Variants in UBE2H observed in about 807,000 individuals in gnomAD.
The protein encoded by UBE2H is ubiquitin conjugating enzyme E2 H, also known as ubiquitin-conjugating enzyme E2 H.
A neutral mutation model predicts 29.0 loss-of-function variants in UBE2H; 3 were observed. The observed-to-expected ratio is 0.10, with a 90% CI of 0.05 to 0.27. The LOEUF is 0.27. UBE2H is among the 10% of genes least tolerant of loss of function. UBE2H has a pLI of 1.00. For missense variants in UBE2H, 68 were observed against 228.2 expected, an observed-to-expected ratio of 0.30 and a Z score of 4.52; for synonymous variants, 69 against 82.9, an observed-to-expected ratio of 0.83 and a Z score of 0.91.
intron 3 of UBE2H, among the ~76,000 whole-genome samples, chr7:129,859,976 C>T (rs550229188): frequency 7.7e-4 from 117 of 152,284 alleles, no homozygotes; most frequent in African/African-American, 2.6e-3. Context: ...AGACAGTTCA[C>T]TATTCTTGAG....
chr7:129,863,808 G>GCTTTTTTTTTCTGTTTT (rs1690074435), intron 3 of UBE2H, among the ~76,000 whole-genome samples: 2 of 136,042 alleles, frequency 1.5e-5, no homozygotes, highest in East Asian at 4.1e-4. Context: ...AATACTAGGT[G>GCTTTTTTTTTCTGTTTT]TTTTTTTTTT....
chr7:129,930,906 T>C (rs1584793576), intron 1 of UBE2H, among the ~76,000 whole-genome samples: 6 of 32,720 alleles, frequency 1.8e-4, no homozygotes, highest in Admixed American at 5.3e-4. Flanking sequence ...AGACCCCGTC[T>C]CACAAAAAAA....
At position 129,857,361 on chromosome 7, in the gene UBE2H, T is replaced by G. The variant is rs1363703415; in HGVS notation, c.298+150A>C. 5 of 715,354 alleles carry G rather than the reference T, an allele frequency of 7.0e-6. No individual in the cohort carries two copies. In the East Asian group the frequency reaches 1.4e-4, roughly 20 times the overall value. 44.3% of individuals were successfully genotyped at this position (715,354 alleles called of 1,614,324 possible). A position where few individuals can be genotyped will look rare whatever the true frequency, so the allele number is the denominator to read the frequency against. ...TATATTTGTACTTAAGAGAAAACAT[T>G]TTTTCCACTGATCAAACTTTCCCAG... On this transcript the variant is annotated intron_variant, in intron 5 of 6. Coordinates refer to ENST00000355621, the MANE Select transcript of UBE2H (RefSeq NM_003344.4).
At chr7:129,937,905 A>G (rs1261169042) in intron 1 of UBE2H, among the ~76,000 whole-genome samples, 1 of 152,220 alleles carries the variant, frequency 6.6e-6, no homozygotes, top group Non-Finnish European at 1.5e-5. Flanking sequence ...ATTGTGATGC[A>G]AAGATGAGTG....
In UBE2H at chr7:129,931,369, C is replaced by G. The variant is rs551314176; in HGVS notation, c.53+21134G>C. Among the ~76,000 whole-genome samples, 152 of 151,726 alleles carry G rather than the reference C, an allele frequency of 1.0e-3. 2 individuals carry two copies. Among genetic ancestry groups the G allele is most frequent in the African/African-American group, 3.4e-3 (142 of 41,408 alleles). On this transcript the variant is annotated intron_variant, in intron 1 of 6. Transcript: ENST00000355621. ...CGCCATGGCACTCCAGCCTGGGCAA[C>G]AGAGTAAGACTCTGTCTTGGGGAAA... is the stretch of plus-strand genomic sequence containing the variant.
intron 3 of UBE2H, among the ~76,000 whole-genome samples, chr7:129,874,699 G>C (rs771170078): frequency 6.6e-6 from 1 of 152,050 alleles, no homozygotes; most frequent in Non-Finnish European, 1.5e-5. Flanking sequence ...GCTCTAAAGA[G>C]GGGCATTTTT....
chr7:129,913,341 CA>C (rs1454594618), intron 1 of UBE2H, among the ~76,000 whole-genome samples: 1 of 151,434 alleles, frequency 6.6e-6, no homozygotes, highest in Non-Finnish European at 1.5e-5. Flanking sequence ...CATGTGCCTA[CA>C]AAATAAAGGG....
At chr7:129,840,785 TAAAA>T (rs1401834546) in intron 5 of UBE2H, among the ~76,000 whole-genome samples, 1 of 152,224 alleles carries the variant, frequency 6.6e-6, no homozygotes, top group Non-Finnish European at 1.5e-5. Context: ...CTAAGTAGCA[TAAAA>T]AACTACTCAT....
rs1807908961 is a variant in UBE2H at position 129,952,734 on chromosome 7, G to A, written c.-179C>T. The A allele has an allele frequency of 5.1e-6, 3 of 588,534 alleles. No homozygotes were observed. The highest frequency in any genetic ancestry group is 7.6e-6 in the Non-Finnish European group (3 of 395,452). The allele number at this position is 588,534 out of a possible 1,614,324, so 36.5% of individuals were successfully genotyped here. A position where few individuals can be genotyped will look rare whatever the true frequency, so the allele number is the denominator to read the frequency against. Reference sequence around the variant, plus strand: ...CACGGGGGAACACCGGGCACTGTCCGGCCGGGTGGGGGTGGGGACCCTGCG... The same window carrying A: ...CACGGGGGAACACCGGGCACTGTCCAGCCGGGTGGGGGTGGGGACCCTGCG... On this transcript the variant is annotated 5_prime_UTR_variant, in exon 1 of 7. Transcript: ENST00000355621.
intron 1 of UBE2H, among the ~76,000 whole-genome samples, chr7:129,900,110 A>G (rs1806679488): frequency 6.6e-6 from 1 of 152,000 alleles, no homozygotes; most frequent in Non-Finnish European, 1.5e-5. Context: ...AGCCTGGGCT[A>G]CAGAGTAAGA....
intron 1 of UBE2H, among the ~76,000 whole-genome samples, chr7:129,915,760 C>T (rs1329411043): frequency 2.6e-5 from 4 of 152,138 alleles, no homozygotes; most frequent in African/African-American, 4.8e-5. Flanking sequence ...TGGCCCAGAC[C>T]CTCCTAACTC....
At chr7:129,838,119 T>C (rs1484132121) in intron 6 of UBE2H, among the ~76,000 whole-genome samples, 6 of 152,236 alleles carry the variant, frequency 3.9e-5, no homozygotes, top group Non-Finnish European at 8.8e-5. Flanking sequence ...CAAATACATG[T>C]TTGCTTAGCT....
chr7:129,887,879 G>A (rs566970219), intron 1 of UBE2H, among the ~76,000 whole-genome samples: 5 of 151,818 alleles, frequency 3.3e-5, no homozygotes, highest in Non-Finnish European at 4.4e-5. Context: ...ATGAAACTCC[G>A]TCTCAAAAAA....
At chr7:129,836,412 A>G (rs1189713854) in intron 6 of UBE2H, among the ~76,000 whole-genome samples, 1 of 152,218 alleles carries the variant, frequency 6.6e-6, no homozygotes, top group Non-Finnish European at 1.5e-5. Flanking sequence ...AGAGGAAGAT[A>G]AAAGGAGCTG....
intron 1 of UBE2H, among the ~76,000 whole-genome samples, chr7:129,903,435 GTGTC>G (rs1216335928): frequency 6.6e-6 from 1 of 152,178 alleles, no homozygotes; most frequent in Non-Finnish European, 1.5e-5. Context: ...CATCCTAAGA[GTGTC>G]TGTAATTGTA....
chr7:129,881,185 C>T (rs1486568158), intron 1 of UBE2H, among the ~76,000 whole-genome samples: 2 of 152,048 alleles, frequency 1.3e-5, no homozygotes, highest in Non-Finnish European at 2.9e-5. Flanking sequence ...CGTTCAAATC[C>T]CAGGAATGCC....
chr7:129,901,807 G>T (rs927357030), intron 1 of UBE2H, among the ~76,000 whole-genome samples: 1 of 152,034 alleles, frequency 6.6e-6, no homozygotes, highest in Admixed American at 6.6e-5. Context: ...TGTTGGCCAG[G>T]CTGGTCTCAA....
chr7:129,896,197 C>T (rs778779303), intron 1 of UBE2H, among the ~76,000 whole-genome samples: 34 of 151,598 alleles, frequency 2.2e-4, no homozygotes, highest in Non-Finnish European at 3.5e-4. Flanking sequence ...ATTAGCTGGA[C>T]GTGGTGGCGG....
intron 1 of UBE2H, among the ~76,000 whole-genome samples, chr7:129,924,036 T>C (rs1005196177): frequency 2.0e-5 from 3 of 152,192 alleles, no homozygotes; most frequent in Non-Finnish European, 4.4e-5. Context: ...GCATTTGAAT[T>C]ATTAGATAAG....
Sources: gnomAD v4.1 joint callset for allele counts (sites outside exome capture counted in the v4.1 genomes callset) on GRCh38, gnomAD v4.1.1 for gene constraint, MANE v1.5 for transcripts, NCBI Gene and HGNC (gene_info 2026-07-23, HGNC 2026-07-21) for gene names.